SPIRE2: variants seen among roughly 807,000 people sequenced by gnomAD.
SPIRE2 encodes protein spire homolog 2.
A neutral mutation model predicts 80.7 loss-of-function variants in SPIRE2; 76 were observed. That is an observed-to-expected ratio of 0.94 (90% confidence interval 0.78 to 1.14). The LOEUF (loss-of-function observed/expected upper bound fraction) is 1.14, where lower values mean the gene tolerates loss of function less well. SPIRE2 is among the 50% of genes most tolerant of loss of function. The probability of loss-of-function intolerance (pLI) is 0.00; values close to 1 mark genes in which losing one functional copy is unlikely to be tolerated. For synonymous variants in SPIRE2, 535 were observed against 432.6 expected, an observed-to-expected ratio of 1.24 and a Z score of -2.94; for missense variants, 1,196 against 1,015.3, an observed-to-expected ratio of 1.18 and a Z score of -2.42.
chr16:89,865,187 T>C (rs909464085), intron 12 of SPIRE2, among the ~76,000 whole-genome samples: 5 of 152,010 alleles, frequency 3.3e-5, no homozygotes, highest in African/African-American at 1.2e-4. Context: ...TTTGTATTTT[T>C]AGTAGAGATG....
At position 89,858,396 on chromosome 16, in the gene SPIRE2, C is replaced by T. The variant is rs1402677617; in HGVS notation, c.1161C>T (p.Ser387=). ...NACSGDAKST[S]CINLSVTDAG... is the part of the protein sequence containing the mutation. Reference sequence around the variant, plus strand: ...GCTCCGGAGATGCCAAGTCCACCTCCTGCATCAACCTGTCAGTCACAGATG... The same window carrying T: ...GCTCCGGAGATGCCAAGTCCACCTCTTGCATCAACCTGTCAGTCACAGATG... Residue 387 remains serine (S), a synonymous_variant, in exon 8 of 15, where the codon TCC becomes TCT. Transcript: ENST00000378247. 4.3e-6 allele frequency: 7 copies of T among 1,612,166 alleles called. No homozygotes were observed. Among genetic ancestry groups the T allele is most frequent in the Non-Finnish European group, 5.9e-6 (7 of 1,179,666 alleles).
At chr16:89,830,631 G>A in intron 1 of SPIRE2, among the ~76,000 whole-genome samples, 1 of 150,898 alleles carries the variant, frequency 6.6e-6, no homozygotes. Flanking sequence ...TCACTTGTTG[G>A]CATTGTAGTC....
At chr16:89,845,628 G>A (rs923460704) in intron 2 of SPIRE2, 2 of 701,958 alleles carry the variant, frequency 2.8e-6, no homozygotes, top group African/African-American at 1.7e-5. Context: ...TTCCACAGCT[G>A]CACAGATGAG....
intron 6 of SPIRE2, 129 bp from the exon 7 acceptor site, chr16:89,855,984 T>C (rs2041686684): frequency 1.4e-6 from 2 of 1,461,530 alleles, no homozygotes; most frequent in Non-Finnish European, 1.8e-6. Flanking sequence ...CCTGGCAGGC[T>C]CTTCCGACTC....
chr16:89,863,943 T>C lies in SPIRE2; in HGVS notation c.1778+82T>C. 1 of 1,055,154 alleles carries C rather than the reference T, an allele frequency of 9.5e-7. No individual in the cohort carries two copies. 65.4% of individuals were successfully genotyped at this position (1,055,154 alleles called of 1,614,324 possible). ...GGGCAGTACCGCCCACAGAACTTCC[T>C]GTGATTCCAGGAATGTTCTAGCATG... On this transcript the variant is annotated intron_variant, in intron 12 of 14. Coordinates refer to ENST00000378247, the MANE Select transcript of SPIRE2 (RefSeq NM_032451.2). The surrounding 1 kb of genome is among the most constrained non-coding windows in gnomAD (Gnocchi z 4.3).
intron 9 of SPIRE2, 137 bp from the exon 10 acceptor site, chr16:89,860,546 C>T: frequency 1.6e-6 from 1 of 618,434 alleles, no homozygotes. Flanking sequence ...CGTGTAGCTA[C>T]TGCCCGGCCG....
At chr16:89,838,407 C>T (rs1040540552) in intron 1 of SPIRE2, among the ~76,000 whole-genome samples, 5 of 152,186 alleles carry the variant, frequency 3.3e-5, no homozygotes, top group South Asian at 2.1e-4. Flanking sequence ...TGGTCTTGAA[C>T]CCCTTACCTC....
Position 89,856,217 on chromosome 16 carries a change from C to T in SPIRE2, c.1083C>T (p.Gly361=). ...AGCGGAGGCTGCGCCCGGTGCGGGG[C>T]GAGGGCTGGGCTGCCCGCGGTGAGT... The part of the protein sequence containing the change: ...KQERRLRPVR[G]EGWAARGFGS... The change falls in exon 7 of 15, where the codon GGC becomes GGT. Residue 361 remains glycine, a synonymous_variant. Coordinates refer to ENST00000378247, the MANE Select transcript of SPIRE2 (RefSeq NM_032451.2). The T allele has an allele frequency of 2.5e-6, 4 of 1,586,180 alleles. No homozygotes were observed. Among genetic ancestry groups the T allele is most frequent in the South Asian group, 1.1e-5 (1 of 87,722 alleles).
Position 89,850,440 on chromosome 16 carries a change from G to A in SPIRE2, c.425G>A (p.Cys142Tyr). The change falls in exon 3 of 15, where the codon TGC becomes TAC. Residue 142 changes from cysteine to tyrosine, a missense_variant. Physicochemically the swap from Cys to Tyr is radical, Grantham distance 194. Transcript: ENST00000378247. ...AACAACGACAGCGAGGACAGCGGCT[G>A]CGGTGCCGCCGATGAGGGCTACGGG... is the stretch of plus-strand genomic sequence containing the variant. ...MANNDSEDSG[C>Y]GAADEGYGGP... 6.4e-7 allele frequency: 1 copy of A among 1,570,542 alleles called. No homozygotes were observed. Among genetic ancestry groups the A allele is most frequent in the Non-Finnish European group, 8.6e-7 (1 of 1,160,168 alleles).
intron 3 of SPIRE2, among the ~76,000 whole-genome samples, chr16:89,851,400 C>T (rs1044707174): frequency 1.3e-5 from 2 of 152,144 alleles, no homozygotes; most frequent in Admixed American, 6.5e-5. Context: ...ACGGGCCGTT[C>T]GGTGAGAAAG....
At chr16:89,866,704 G>A (rs895544005) in intron 12 of SPIRE2, among the ~76,000 whole-genome samples, 1 of 151,544 alleles carries the variant, frequency 6.6e-6, no homozygotes, top group Non-Finnish European at 1.5e-5. Flanking sequence ...CACCTCCCGG[G>A]TTCACGCCAT....
chr16:89,840,541 T>C (rs1322937171), intron 1 of SPIRE2, among the ~76,000 whole-genome samples: 5 of 150,594 alleles, frequency 3.3e-5, no homozygotes, highest in South Asian at 4.2e-4. Flanking sequence ...AGCCACCATG[T>C]CTGGCCCAAA....
chr16:89,870,687 G>C lies in SPIRE2; in HGVS notation c.*415G>C, dbSNP rs1322299916. ...GGTATCTTGGCTCCCAGCTGGACCA[G>C]AGTGCCCTGCTTGCCTCTGCTCTCC... On this transcript the variant is annotated 3_prime_UTR_variant, in exon 15 of 15. Transcript: ENST00000378247. The C allele has an allele frequency of 5.6e-6, 1 of 177,738 alleles. No individual in the cohort carries two copies. The allele number at this position is 177,738 out of a possible 1,614,324, so 11.0% of individuals were successfully genotyped here. A position where few individuals can be genotyped will look rare whatever the true frequency, so the allele number is the denominator to read the frequency against.
Position 89,863,920 on chromosome 16 carries a change from G to A in SPIRE2, c.1778+59G>A, listed in dbSNP as rs554725052. On this transcript the variant is annotated intron_variant, in intron 12 of 14. Transcript: ENST00000378247. The surrounding 1 kb of genome is among the most constrained non-coding windows in gnomAD (Gnocchi z 4.3). The stretch of plus-strand genomic sequence containing the variant: ...GAAGGAGGAGGCGAGAAACCTCGGG[G>A]CAGTACCGCCCACAGAACTTCCTGT... 3.7e-4 allele frequency: 492 copies of A among 1,346,592 alleles called. 1 individual carries two copies. The highest frequency in any genetic ancestry group is 1.0e-3 in the South Asian group (82 of 79,002). The allele number at this position is 1,346,592 out of a possible 1,614,324, so 83.4% of individuals were successfully genotyped here.
chr16:89,860,574 T>C, intron 9 of SPIRE2, 109 bp from the exon 10 acceptor site: 1 of 741,272 alleles, frequency 1.3e-6, no homozygotes, highest in East Asian at 2.9e-5. Flanking sequence ...CCTTGACCTT[T>C]TGCTTGGTTC....
intron 1 of SPIRE2, among the ~76,000 whole-genome samples, chr16:89,837,021 G>T (rs781000372): frequency 5.3e-5 from 8 of 152,052 alleles, no homozygotes; most frequent in Non-Finnish European, 1.0e-4. Flanking sequence ...CTGCACCCCA[G>T]ATTCCTGTTC....
In SPIRE2 at chr16:89,845,190, T is replaced by G. The variant is rs934017324; in HGVS notation, c.245-132T>G. On this transcript the variant is annotated intron_variant, in intron 1 of 14. Transcript: ENST00000378247. ...CAAATGACCAAGTGGCTGGGCCTGCTGTGAGCTTTCTGGTGTTCCGGCGGA... is the reference window on the plus strand; with the variant it reads ...CAAATGACCAAGTGGCTGGGCCTGCGGTGAGCTTTCTGGTGTTCCGGCGGA... 2.5e-5 allele frequency: 21 copies of G among 825,238 alleles called. No homozygotes were observed. The African/African-American group carries it at 3.4e-4, about 13-fold the overall frequency. The allele number at this position is 825,238 out of a possible 1,614,324, so 51.1% of individuals were successfully genotyped here.
Position 89,871,281 on chromosome 16 carries a change from C to A in SPIRE2, c.*1009C>A, listed in dbSNP as rs1334689137. 1 of 152,338 alleles carries A rather than the reference C, an allele frequency of 6.6e-6. No individual in the cohort carries two copies. Among genetic ancestry groups the A allele is most frequent in the Admixed American group, 6.5e-5 (1 of 15,288 alleles). The allele number at this position is 152,338 out of a possible 1,614,324, so 9.4% of individuals were successfully genotyped here. ...AGGAGCAGCTCTGTAAATCTGTGCACATGGCCACTCTTGGCCTAATAAAGG... is the reference window on the plus strand; with the variant it reads ...AGGAGCAGCTCTGTAAATCTGTGCAAATGGCCACTCTTGGCCTAATAAAGG... On this transcript the variant is annotated 3_prime_UTR_variant, in exon 15 of 15. Transcript: ENST00000378247.
At chr16:89,868,713 G>C (rs12446873) in intron 13 of SPIRE2, among the ~76,000 whole-genome samples, 1 of 151,972 alleles carries the variant, frequency 6.6e-6, no homozygotes, top group Non-Finnish European at 1.5e-5. Flanking sequence ...AAATTAGCTG[G>C]GCATGGTGGC....
Sources: gnomAD v4.1 joint callset for allele counts (sites outside exome capture counted in the v4.1 genomes callset) on GRCh38, gnomAD v4.1.1 for gene constraint, Gnocchi (gnomAD v3.1) non-coding constraint, MANE v1.5 for transcripts, NCBI Gene and HGNC (gene_info 2026-07-23, HGNC 2026-07-21) for gene names.